DOCK1: variants seen among roughly 807,000 people sequenced by gnomAD.
The protein encoded by DOCK1 is dedicator of cytokinesis protein 1.
DOCK1 carries 138 observed loss-of-function variants against 262.7 expected under a neutral mutation model. That is an observed-to-expected ratio of 0.53 (90% CI 0.46 to 0.61). DOCK1 has a LOEUF of 0.61. DOCK1 is among the 20% of genes least tolerant of loss of function. The probability of loss-of-function intolerance (pLI) is 0.00; values close to 1 mark genes in which losing one functional copy is unlikely to be tolerated. For missense variants in DOCK1, 1,908 were observed against 2,370.7 expected (o/e 0.80, Z 4.05); for synonymous variants, 866 against 867.4 (o/e 1.00, Z 0.03).
At chr10:127,189,026 A>T (rs2056527003) in intron 27 of DOCK1, among the ~76,000 whole-genome samples, 1 of 152,122 alleles carries the variant, frequency 6.6e-6, no homozygotes, top group Admixed American at 6.5e-5. Context: ...GGCTCCTAGG[A>T]AGCGCTCAGT....
intron 29 of DOCK1, among the ~76,000 whole-genome samples, chr10:127,277,187 A>G (rs982760526): frequency 2.6e-5 from 4 of 152,180 alleles, no homozygotes; most frequent in Admixed American, 6.5e-5. Flanking sequence ...ACTTTAAAAA[A>G]TTCTCCATTT....
At chr10:127,233,560 G>T (rs1225796537) in intron 27 of DOCK1, among the ~76,000 whole-genome samples, 1 of 152,132 alleles carries the variant, frequency 6.6e-6, no homozygotes, top group African/African-American at 2.4e-5. Flanking sequence ...GTCTTATTAA[G>T]ATACTAATTA....
chr10:127,345,295 A>G (rs2063582077), intron 31 of DOCK1, among the ~76,000 whole-genome samples: 1 of 152,202 alleles, frequency 6.6e-6, no homozygotes, highest in African/African-American at 2.4e-5. Context: ...ATAATCATTA[A>G]AAAGCAAAAC....
chr10:127,018,399 C>G (rs1419596284), intron 12 of DOCK1, among the ~76,000 whole-genome samples: 2 of 152,190 alleles, frequency 1.3e-5, no homozygotes, highest in Non-Finnish European at 2.9e-5. Context: ...TCTTAAATGT[C>G]TACCCACTCA....
chr10:127,283,780 A>G (rs894812652), intron 29 of DOCK1, among the ~76,000 whole-genome samples: 4 of 152,204 alleles, frequency 2.6e-5, no homozygotes, highest in African/African-American at 7.2e-5. Context: ...AGTACATTGT[A>G]TCATTTTCAT....
chr10:126,981,697 G>T (rs1405710034), intron 3 of DOCK1, among the ~76,000 whole-genome samples: 1 of 152,222 alleles, frequency 6.6e-6, no homozygotes, highest in Admixed American at 6.5e-5. Context: ...TCCTTTGCAA[G>T]TGTGTTGCCT....
At chr10:127,307,636 C>A (rs546909808) in intron 29 of DOCK1, among the ~76,000 whole-genome samples, 12 of 152,312 alleles carry the variant, frequency 7.9e-5, no homozygotes, top group African/African-American at 2.6e-4. Context: ...CCAGTCCTGC[C>A]CTGGGTGGGC....
chr10:126,917,021 A>G (rs903669546), intron 1 of DOCK1, among the ~76,000 whole-genome samples: 2 of 146,666 alleles, frequency 1.4e-5, no homozygotes, highest in Non-Finnish European at 3.0e-5. Flanking sequence ...GTCACAGTGC[A>G]GAGAGACAGG....
intron 36 of DOCK1, among the ~76,000 whole-genome samples, chr10:127,380,332 A>G (rs1252817140): frequency 1.3e-5 from 2 of 152,106 alleles, no homozygotes; most frequent in African/African-American, 4.8e-5. Context: ...GGTGGTCACC[A>G]TTAGCCAACT....
At chr10:126,920,924 C>T (rs139617249) in intron 1 of DOCK1, among the ~76,000 whole-genome samples, 1,588 of 152,248 alleles carry the variant, frequency 0.01, 30 homozygotes, top group African/African-American at 0.035. Context: ...AGGCCGGGCA[C>T]GGTGGCTCAC....
At chr10:127,341,729 C>T (rs972717720) in intron 30 of DOCK1, among the ~76,000 whole-genome samples, 1 of 152,200 alleles carries the variant, frequency 6.6e-6, no homozygotes, top group African/African-American at 2.4e-5. Flanking sequence ...CCCTTGGACT[C>T]TCACCGTGAG....
intron 29 of DOCK1, among the ~76,000 whole-genome samples, chr10:127,264,088 A>G (rs904639242): frequency 6.6e-6 from 1 of 152,096 alleles, no homozygotes; most frequent in Non-Finnish European, 1.5e-5. Flanking sequence ...AATTTTCCCT[A>G]TTTTGGAATT....
Position 127,433,280 on chromosome 10 carries a change from C to T in DOCK1, c.4915-3C>T, listed in dbSNP as rs770342076. 3.7e-6 allele frequency: 6 copies of T among 1,613,752 alleles called. No individual in the cohort carries two copies. Among genetic ancestry groups the T allele is most frequent in the Non-Finnish European group, 5.1e-6 (6 of 1,179,740 alleles). On this transcript the variant is annotated splice_polypyrimidine_tract_variant and splice_region_variant and intron_variant, in intron 47 of 51. Coordinates refer to ENST00000623213, the MANE Select transcript of DOCK1 (RefSeq NM_001290223.2). The stretch of plus-strand genomic sequence containing the variant: ...TCTCCTTCTCTCTCTTTCTCGCTCT[C>T]AGCCCTCAAGTCTGGATGATAGAAG...
chr10:127,261,161 C>CTG (rs1218742210), intron 29 of DOCK1, among the ~76,000 whole-genome samples: 2 of 110,118 alleles, frequency 1.8e-5, no homozygotes, highest in Non-Finnish European at 3.6e-5. Flanking sequence ...CCGTGCTCAT[C>CTG]TGTGTGTGTC....
At chr10:127,086,588 G>T (rs909924243) in intron 23 of DOCK1, among the ~76,000 whole-genome samples, 2 of 152,118 alleles carry the variant, frequency 1.3e-5, no homozygotes, top group Admixed American at 6.6e-5. Flanking sequence ...GATCATGAAA[G>T]ATCATGAATA....
At chr10:127,317,871 C>T (rs1263473364) in intron 29 of DOCK1, among the ~76,000 whole-genome samples, 1 of 152,074 alleles carries the variant, frequency 6.6e-6, no homozygotes, top group African/African-American at 2.4e-5. Flanking sequence ...GTGTTTGGTT[C>T]GCATTCATTG....
chr10:127,306,997 G>A (rs1407407325), intron 29 of DOCK1, among the ~76,000 whole-genome samples: 1 of 152,186 alleles, frequency 6.6e-6, no homozygotes, highest in Non-Finnish European at 1.5e-5. Flanking sequence ...AGGATTAAAA[G>A]TGAGATCCAT....
Position 127,280,760 on chromosome 10 carries a change from C to T in DOCK1, c.3044+23331C>T, listed in dbSNP as rs955714845. 2.0e-5 allele frequency among the ~76,000 whole-genome samples: 3 copies of T among 152,178 alleles called. No homozygotes were observed. The South Asian group carries it at 6.2e-4, about 32-fold the overall frequency. On this transcript the variant is annotated intron_variant, in intron 29 of 51. Transcript: ENST00000623213. ...CTGAGAGGTTTCATACTGTTGTCGA[C>T]ACCTGTGCTGGTGTAGAATTGCAGA...
chr10:127,168,170 C>T (rs1214053537), intron 27 of DOCK1, among the ~76,000 whole-genome samples: 1 of 152,182 alleles, frequency 6.6e-6, no homozygotes, highest in Non-Finnish European at 1.5e-5. Context: ...CTGGTCACCC[C>T]ACCCTATCCC....
Sources: gnomAD v4.1 joint callset for allele counts (sites outside exome capture counted in the v4.1 genomes callset) on GRCh38, gnomAD v4.1.1 for gene constraint, MANE v1.5 for transcripts, NCBI Gene and HGNC (gene_info 2026-07-23, HGNC 2026-07-21) for gene names.